The following RTEL1 variants were observed in gnomAD, a reference collection of about 807,000 sequenced individuals.
RTEL1 encodes regulator of telomere length.
In RTEL1, 86 loss-of-function variants were observed where a neutral mutation model predicts 162.2. The observed-to-expected ratio is 0.53, with a 90% confidence interval of 0.45 to 0.63. The LOEUF is 0.63. RTEL1 is among the 30% of genes least tolerant of loss of function. The pLI, the probability that RTEL1 is intolerant of heterozygous loss-of-function variation, is 0.00. For missense variants in RTEL1, 1,941 were observed against 1,750.2 expected, an observed-to-expected ratio of 1.11 and a Z score of -1.95; for synonymous variants, 958 against 717.9, an observed-to-expected ratio of 1.33 and a Z score of -5.35.
chr20:63,693,935 G>C (rs556017134), intron 30 of RTEL1, among the ~76,000 whole-genome samples: 66 of 151,232 alleles, frequency 4.4e-4, no homozygotes, highest in African/African-American at 1.6e-3. Flanking sequence ...TAGGGTCCTA[G>C]ACCCCTGTCC....
rs398123017 is a variant in RTEL1 at position 63,693,211 on chromosome 20, C to A, written c.2920C>A (p.Arg974=). ...GGAGGTCTGTATCCAGCTGACAGGA[C>A]GAGGCTGTGGCTATCGGCCTGAGCA... The part of the protein sequence containing the change: ...FEEVCIQLTG[R]GCGYRPEHSI... Residue 974 remains arginine (R), a synonymous_variant, in exon 30 of 35, where the codon CGA becomes AGA. Coordinates refer to ENST00000360203, the MANE Select transcript of RTEL1 (RefSeq NM_001283009.2). 1.9e-6 allele frequency: 3 copies of A among 1,611,994 alleles called. No homozygotes were observed. The highest frequency in any genetic ancestry group is 1.7e-5 in the Admixed American group (1 of 59,958).
intron 30 of RTEL1, among the ~76,000 whole-genome samples, 153 bp downstream of exon 30, chr20:63,693,436 CCAGCACCAG>C (rs1404682105): frequency 8.9e-5 from 13 of 146,134 alleles, no homozygotes; most frequent in East Asian, 4.0e-4. Context: ...ACCTCCACCA[CCAGCACCAG>C]CAGCACCACC....
At chr20:63,689,677 A>AC (rs754343295) in intron 23 of RTEL1, 29 bp downstream of exon 23, 12 of 1,606,726 alleles carry the variant, frequency 7.5e-6, no homozygotes, top group Non-Finnish European at 1.0e-5. Context: ...GGGCTGGGGT[A>AC]AGGCGGTCTG....
chr20:63,663,076 G>T, intron 6 of RTEL1, 187 bp downstream of exon 6: 1 of 633,646 alleles, frequency 1.6e-6, no homozygotes, highest in Middle Eastern at 4.0e-4. Context: ...CTCACACAGT[G>T]GTCTGAGACA....
chr20:63,678,869 C>T (rs1192011809), intron 12 of RTEL1, among the ~76,000 whole-genome samples: 1 of 145,880 alleles, frequency 6.9e-6, no homozygotes, highest in Non-Finnish European at 1.5e-5. Context: ...GCAGACTCTC[C>T]CACGGAACAG....
Position 63,693,456 on chromosome 20 carries a change from T to TCCACCTTCACCACCACCA in RTEL1, c.2992+179_2992+180insTCACCACCACCACCACCT. Among the ~76,000 whole-genome samples the TCCACCTTCACCACCACCA allele has an allele frequency of 9.5e-5, 2 of 21,042 alleles. 1 individual carries two copies. Among genetic ancestry groups the TCCACCTTCACCACCACCA allele is most frequent in the Non-Finnish European group, 1.7e-4 (2 of 11,670 alleles). 13.8% of individuals were successfully genotyped at this position (21,042 alleles called of 152,430 possible). ...CACCACCAGCACCAGCAGCACCACC[T>TCCACCTTCACCACCACCA]CCACCTCCACCTCCACCTCCACCTC... On this transcript the variant is annotated intron_variant, in intron 30 of 34. Transcript: ENST00000360203.
chr20:63,692,588 C>T lies in RTEL1; in HGVS notation c.2653-217C>T, dbSNP rs1212351488. ...CCATTCACTGCTCTCAGTTCCCTGCCAGCCTCTCACTGTGTGACCTCAGAC... is the reference window on the plus strand; with the variant it reads ...CCATTCACTGCTCTCAGTTCCCTGCTAGCCTCTCACTGTGTGACCTCAGAC... On this transcript the variant is annotated intron_variant, in intron 28 of 34. Transcript: ENST00000360203. The T allele has an allele frequency of 2.0e-5, 12 of 592,984 alleles. No individual in the cohort carries two copies. The East Asian group carries it at 3.1e-4, about 15-fold the overall frequency. 36.7% of individuals were successfully genotyped at this position (592,984 alleles called of 1,614,324 possible). A position where few individuals can be genotyped will look rare whatever the true frequency, so the allele number is the denominator to read the frequency against.
chr20:63,693,068 C>T (rs900333310), intron 29 of RTEL1, 65 bp downstream of exon 29: 13 of 1,609,268 alleles, frequency 8.1e-6, no homozygotes, highest in African/African-American at 8.0e-5. Context: ...GGGGTGGGGG[C>T]CATCTGGGTC....
In RTEL1 at chr20:63,687,816, ACAT is replaced by A. The variant is rs762124265; in HGVS notation, c.1481+49_1481+51del. ...GGCCTGAGCACCGGTGACACCTCTG[ACAT>A]CAGCGGGGTGGAAGTGGTGGGGGTC... On this transcript the variant is annotated intron_variant, in intron 17 of 34. Transcript: ENST00000360203. 1.8e-4 allele frequency: 277 copies of A among 1,553,606 alleles called. 1 individual carries two copies. The highest frequency in any genetic ancestry group is 7.2e-5 in the East Asian group (3 of 41,940).
chr20:63,675,964 G>A (rs144621186), intron 10 of RTEL1, among the ~76,000 whole-genome samples: 30 of 152,342 alleles, frequency 2.0e-4, no homozygotes, highest in Non-Finnish European at 3.2e-4. Flanking sequence ...AGTTTTGTTA[G>A]TTACTTGATG....
chr20:63,687,408 C>G (rs2090620493), intron 16 of RTEL1: 1 of 538,280 alleles, frequency 1.9e-6, no homozygotes, highest in Admixed American at 3.6e-5. Flanking sequence ...TGCCTGGGGT[C>G]TGCCTCCTAC....
intron 23 of RTEL1, 42 bp downstream of exon 23, chr20:63,689,690 G>C: frequency 6.2e-7 from 1 of 1,604,868 alleles, no homozygotes; most frequent in Non-Finnish European, 8.5e-7. Flanking sequence ...GCGGTCTGGT[G>C]ACTGAGCCCC....
chr20:63,687,686 A>G lies in RTEL1; in HGVS notation c.1397A>G (p.Glu466Gly), dbSNP rs1302987714. The change falls in exon 17 of 35, where the codon GAG becomes GGG. Residue 466 changes from glutamate (E) to glycine (G), a missense_variant. By Grantham distance (98) the Glu-to-Gly change is moderately conservative. Coordinates refer to ENST00000360203, the MANE Select transcript of RTEL1 (RefSeq NM_001283009.2). The stretch of plus-strand genomic sequence containing the variant: ...TTCAGTCCCGGCCACAGCATGCACG[A>G]GCTGGTCCGCCAGGGCGTCCGCTCC... ...WCFSPGHSMH[E>G]LVRQGVRSLI... The G allele has an allele frequency of 6.2e-7, 1 of 1,608,960 alleles. No homozygotes were observed. Among genetic ancestry groups the G allele is most frequent in the East Asian group, 2.2e-5 (1 of 44,818 alleles).
At chr20:63,665,407 C>T (rs992261863) in intron 6 of RTEL1, 1 of 152,938 alleles carries the variant, frequency 6.5e-6, no homozygotes, top group Non-Finnish European at 1.5e-5. Context: ...ATCCCCCAGA[C>T]TCTGACTTCT....
chr20:63,683,511 C>T (rs1033752898), intron 14 of RTEL1, among the ~76,000 whole-genome samples: 1 of 152,228 alleles, frequency 6.6e-6, no homozygotes, highest in East Asian at 1.9e-4. Context: ...ATGCAGAGTA[C>T]GCACACACGC....
At chr20:63,673,083 C>T (rs1172425287) in intron 9 of RTEL1, among the ~76,000 whole-genome samples, 6 of 149,366 alleles carry the variant, frequency 4.0e-5, no homozygotes, top group Admixed American at 6.7e-5. Flanking sequence ...GGTGACAAAG[C>T]GGGATTCTGT....
chr20:63,689,203 A>G, intron 22 of RTEL1, 71 bp downstream of exon 22: 1 of 1,449,016 alleles, frequency 6.9e-7, no homozygotes, highest in Non-Finnish European at 9.5e-7. Flanking sequence ...GCTCCCCAGC[A>G]GACTCTGGGC....
chr20:63,666,997 G>T (rs933810486), intron 7 of RTEL1, among the ~76,000 whole-genome samples: 4 of 151,938 alleles, frequency 2.6e-5, no homozygotes, highest in Non-Finnish European at 4.4e-5. Context: ...CCGCCACCAC[G>T]TCTGGCTAAT....
In RTEL1 at chr20:63,685,555, C is replaced by T. The variant is rs1429074357; in HGVS notation, c.1224C>T (p.Ser408=). The change falls in exon 15 of 35, where the codon AGC becomes AGT. Residue 408 remains serine (S), a synonymous_variant. Transcript: ENST00000360203. ...TCAGTGTGGACCCCTCCGAGGGCAG[C>T]CCTGGTTCCCCAGCAGGGCTGGGGG... ...IVFSVDPSEG[S]PGSPAGLGAL... The T allele has an allele frequency of 6.2e-7, 1 of 1,612,672 alleles. No homozygotes were observed. Among genetic ancestry groups the T allele is most frequent in the Non-Finnish European group, 8.5e-7 (1 of 1,179,888 alleles).
Sources: gnomAD v4.1 joint callset for allele counts (sites outside exome capture counted in the v4.1 genomes callset) on GRCh38, gnomAD v4.1.1 for gene constraint, MANE v1.5 for transcripts, NCBI Gene and HGNC (gene_info 2026-07-23, HGNC 2026-07-21) for gene names.